Variants in TNFRSF1A observed in about 807,000 individuals in gnomAD.
TNFRSF1A encodes the protein tumor necrosis factor receptor superfamily member 1A.
Under a neutral mutation model 41.6 loss-of-function variants are expected in TNFRSF1A, and 9 were observed. That is an observed-to-expected ratio of 0.22 (90% confidence interval 0.13 to 0.38). The LOEUF (loss-of-function observed/expected upper bound fraction) is 0.38, where lower values mean the gene tolerates loss of function less well. TNFRSF1A is among the 10% of genes least tolerant of loss of function. The pLI is 1.00. For synonymous variants in TNFRSF1A, 254 were observed against 248.6 expected (o/e 1.02, Z -0.21); for missense variants, 463 against 591.5 (o/e 0.78, Z 2.25).
chr12:6,339,839 T>TCACA (rs1312763687), intron 1 of TNFRSF1A, among the ~76,000 whole-genome samples: 14 of 120,790 alleles, frequency 1.2e-4, no homozygotes, highest in African/African-American at 1.9e-4. Flanking sequence ...TCTCTCTCTC[T>TCACA]CTCACACACA....
At position 6,329,784 on chromosome 12, in the gene TNFRSF1A, G is replaced by A. The variant is rs1341916333; in HGVS notation, c.1051C>T (p.Leu351=). ...WEDSAHKPQS[L]DTDDPATLYA... Reference sequence around the variant, plus strand: ...AGCCGCGGGAGAAACTCACTGTCTAGGCTCTGTGGCTTGTGGGCGCTGTCC... The same window carrying A: ...AGCCGCGGGAGAAACTCACTGTCTAAGCTCTGTGGCTTGTGGGCGCTGTCC... Residue 351 remains leucine (L), a synonymous_variant, in exon 9 of 10, where the codon CTA becomes TTA. Coordinates refer to ENST00000162749, the MANE Select transcript of TNFRSF1A (RefSeq NM_001065.4). 1.9e-6 allele frequency: 3 copies of A among 1,605,004 alleles called. No individual in the cohort carries two copies. In the African/African-American group the frequency reaches 4.0e-5, roughly 21 times the overall value.
rs573219734 is a variant in TNFRSF1A at position 6,333,944 on chromosome 12, C to T, written c.194-79G>A. ...CCATGCTAGGGACAACAGCCAGGGC[C>T]GATTCCCTGAAGTCTCTAGGAGAGG... On this transcript the variant is annotated intron_variant, in intron 2 of 9. Transcript: ENST00000162749. This position sits in a 1 kb window ranked among gnomAD's most constrained non-coding sequence, Gnocchi z 6.3. 17 of 1,605,576 alleles carry T rather than the reference C, an allele frequency of 1.1e-5. No homozygotes were observed. Among genetic ancestry groups the T allele is most frequent in the Admixed American group, 3.4e-5 (2 of 58,342 alleles).
chr12:6,333,644 A>C lies in TNFRSF1A; in HGVS notation c.322+93T>G. On this transcript the variant is annotated intron_variant, in intron 3 of 9. Transcript: ENST00000162749. This position sits in a 1 kb window ranked among gnomAD's most constrained non-coding sequence, Gnocchi z 6.3. ...TCCATGCAGTGTCCCACCAAAACAC[A>C]CACCTTCCTGCCCACACCCACCAGC... 6.4e-7 allele frequency: 1 copy of C among 1,569,246 alleles called. No homozygotes were observed. The highest frequency in any genetic ancestry group is 8.6e-7 in the Non-Finnish European group (1 of 1,156,406).
rs1175261083 is a variant in TNFRSF1A at position 6,334,203 on chromosome 12, A to G, written c.81T>C (p.Val27=). The part of the protein sequence containing the change: ...ELLVGIYPSG[V]IGLVPHLGDR... ...CCCCTAGGTGAGGGACCAGTCCAAT[A>G]ACCCCTGAGGGGTATATTCCCACCA... is the stretch of plus-strand genomic sequence containing the variant. Residue 27 remains valine (V), a synonymous_variant, in exon 2 of 10, where the codon GTT becomes GTC. Coordinates refer to ENST00000162749, the MANE Select transcript of TNFRSF1A (RefSeq NM_001065.4). This position sits in a 1 kb window ranked among gnomAD's most constrained non-coding sequence, Gnocchi z 5.1. 6 of 1,614,050 alleles carry G rather than the reference A, an allele frequency of 3.7e-6. No individual in the cohort carries two copies. Among genetic ancestry groups the G allele is most frequent in the Non-Finnish European group, 5.1e-6 (6 of 1,179,934 alleles).
At position 6,329,515 on chromosome 12, in the gene TNFRSF1A, C is replaced by G; in HGVS notation, c.1165G>C (p.Glu389Gln). ...CGCAGGCAGCGCCCGTTCTGCAGCT[C>G]CAGCCGATCGATCTCGTGGTCGCTC... ...GLSDHEIDRL[E>Q]LQNGRCLREA... The change falls in exon 10 of 10, where the codon GAG becomes CAG. Residue 389 changes from glutamate to glutamine, a missense_variant. By Grantham distance (29) the Glu-to-Gln change is conservative (BLOSUM62 2). This residue lies in a region of TNFRSF1A where 277 missense variants were observed against 288.8 expected (regional missense o/e 0.96). Transcript: ENST00000162749. 6.3e-7 allele frequency: 1 copy of G among 1,595,344 alleles called. No homozygotes were observed. The highest frequency in any genetic ancestry group is 8.5e-7 in the Non-Finnish European group (1 of 1,178,142).
intron 5 of TNFRSF1A, among the ~76,000 whole-genome samples, chr12:6,332,296 G>A (rs1948060125): frequency 6.6e-6 from 1 of 151,880 alleles, no homozygotes; most frequent in African/African-American, 2.4e-5. Flanking sequence ...AACATTAGCT[G>A]GGTGTAGTGG....
At position 6,329,126 on chromosome 12, in the gene TNFRSF1A, C is replaced by A. The variant is rs113971071; in HGVS notation, c.*186G>T. ...AGCCCACGGCGCACCTCTCTCCGCG[C>A]GCACAGCGCTGACTGTCGGCGGCGC... On this transcript the variant is annotated 3_prime_UTR_variant, in exon 10 of 10. Transcript: ENST00000162749. The A allele has an allele frequency of 1.1e-5, 6 of 526,116 alleles. No homozygotes were observed. In the Admixed American group the frequency reaches 2.1e-4, roughly 18 times the overall value. The allele number at this position is 526,116 out of a possible 1,614,324, so 32.6% of individuals were successfully genotyped here.
chr12:6,329,666 CCCCGCCCCGCAT>C, intron 9 of TNFRSF1A, 44 bp from the exon 10 acceptor site: 1 of 1,552,878 alleles, frequency 6.4e-7, no homozygotes, highest in South Asian at 1.2e-5. Flanking sequence ...CAACCCCAGG[CCCCGCCCCGCAT>C]CCCGCGCCCT....
chr12:6,333,521 T>C lies in TNFRSF1A; in HGVS notation c.323-5A>G, dbSNP rs200094504. 3.7e-6 allele frequency: 6 copies of C among 1,614,162 alleles called. No homozygotes were observed. The highest frequency in any genetic ancestry group is 2.2e-5 in the South Asian group (2 of 91,086). On this transcript the variant is annotated splice_polypyrimidine_tract_variant and splice_region_variant and intron_variant, in intron 3 of 9. Coordinates refer to ENST00000162749, the MANE Select transcript of TNFRSF1A (RefSeq NM_001065.4). The surrounding 1 kb of genome is among the most constrained non-coding windows in gnomAD (Gnocchi z 6.3). ...AGATCTCCACCTGACCCATTTCTGG[T>C]GAGGGGAGAAGATGGGGTATGAGTC...
chr12:6,328,928 T>C lies in TNFRSF1A; in HGVS notation c.*384A>G, dbSNP rs1947981749. The C allele has an allele frequency of 4.5e-6, 1 of 223,496 alleles. No individual in the cohort carries two copies. The highest frequency in any genetic ancestry group is 2.3e-5 in the African/African-American group (1 of 44,144). The allele number at this position is 223,496 out of a possible 1,614,324, so 13.8% of individuals were successfully genotyped here. A position where few individuals can be genotyped will look rare whatever the true frequency, so the allele number is the denominator to read the frequency against. ...CCAAGTTTCTATTAGTGTAACATGA[T>C]TGATTTAAAAACAAAACAAAACAAA... On this transcript the variant is annotated 3_prime_UTR_variant, in exon 10 of 10. Coordinates refer to ENST00000162749, the MANE Select transcript of TNFRSF1A (RefSeq NM_001065.4).
In TNFRSF1A at chr12:6,332,987, T is replaced by C. The variant is rs2136821044; in HGVS notation, c.551+82A>G. On this transcript the variant is annotated intron_variant, in intron 5 of 9. Coordinates refer to ENST00000162749, the MANE Select transcript of TNFRSF1A (RefSeq NM_001065.4). ...GCACTCTGGGGCATCCTGGCATCTG[T>C]TGCCCAGCTAATGGTTCCCACCAGT... 8 of 1,302,162 alleles carry C rather than the reference T, an allele frequency of 6.1e-6. No homozygotes were observed. The South Asian group carries it at 8.3e-5, about 14-fold the overall frequency. 80.7% of individuals were successfully genotyped at this position (1,302,162 alleles called of 1,614,324 possible).
Position 6,341,675 on chromosome 12 carries a change from G to T in TNFRSF1A, c.39+101C>A. On this transcript the variant is annotated intron_variant, in intron 1 of 9. Coordinates refer to ENST00000162749, the MANE Select transcript of TNFRSF1A (RefSeq NM_001065.4). This position sits in a 1 kb window ranked among gnomAD's most constrained non-coding sequence, Gnocchi z 4.6. ...AGGCCTGAGGCTGGCGCCAGGACCAGGCCCGGGCAGGAGAGGCTCGGCCCC... is the reference window on the plus strand; with the variant it reads ...AGGCCTGAGGCTGGCGCCAGGACCATGCCCGGGCAGGAGAGGCTCGGCCCC... 7.1e-7 allele frequency: 1 copy of T among 1,414,036 alleles called. No individual in the cohort carries two copies. The highest frequency in any genetic ancestry group is 9.9e-7 in the Non-Finnish European group (1 of 1,013,008). The allele number at this position is 1,414,036 out of a possible 1,614,324, so 87.6% of individuals were successfully genotyped here. A position where few individuals can be genotyped will look rare whatever the true frequency, so the allele number is the denominator to read the frequency against.
intron 1 of TNFRSF1A, among the ~76,000 whole-genome samples, chr12:6,335,590 G>A (rs1948110129): frequency 6.6e-6 from 1 of 152,070 alleles, no homozygotes; most frequent in African/African-American, 2.4e-5. Context: ...CTTCATTTCT[G>A]GTTTTCCCTG....
Position 6,329,640 on chromosome 12 carries a change from G to A in TNFRSF1A, c.1058-18C>T. The A allele has an allele frequency of 6.3e-7, 1 of 1,586,218 alleles. No homozygotes were observed. The highest frequency in any genetic ancestry group is 1.7e-5 in the Admixed American group (1 of 57,986). On this transcript the variant is annotated intron_variant, in intron 9 of 9. Coordinates refer to ENST00000162749, the MANE Select transcript of TNFRSF1A (RefSeq NM_001065.4). ...GTCATCAGCTGCGGGGACGCGGGCCGGTGAGCCTCGGGCGGCAACCCCAGG... is the reference window on the plus strand; with the variant it reads ...GTCATCAGCTGCGGGGACGCGGGCCAGTGAGCCTCGGGCGGCAACCCCAGG...
intron 1 of TNFRSF1A, among the ~76,000 whole-genome samples, chr12:6,336,914 C>T (rs1009678080): frequency 1.2e-4 from 18 of 152,216 alleles, no homozygotes; most frequent in Admixed American, 1.0e-3. Context: ...GGTTTGGGGG[C>T]CTCCCTGGGG....
intron 1 of TNFRSF1A, among the ~76,000 whole-genome samples, chr12:6,338,536 T>C (rs776253150): frequency 8.6e-5 from 13 of 151,714 alleles, no homozygotes; most frequent in Non-Finnish European, 1.5e-4. Context: ...AGCATTTCCA[T>C]GGTCATGGAA....
rs150233965 is a variant in TNFRSF1A, at chr12:6,338,305, C to A, written c.39+3471G>T. Among the ~76,000 whole-genome samples the A allele has an allele frequency of 4.1e-3, 628 of 152,246 alleles. 1 individual carries two copies. The highest frequency in any genetic ancestry group is 7.0e-3 in the Non-Finnish European group (479 of 68,022). On this transcript the variant is annotated intron_variant, in intron 1 of 9. Transcript: ENST00000162749. ...CCCAGGGCCCCATCCCTATCCCTGC[C>A]GCCATCCCATGTGTCAGTTCATCTT...
Position 6,333,354 on chromosome 12 carries a change from G to T in TNFRSF1A, c.472+13C>A. 1 of 1,612,740 alleles carries T rather than the reference G, an allele frequency of 6.2e-7. No individual in the cohort carries two copies. Among genetic ancestry groups the T allele is most frequent in the African/African-American group, 1.3e-5 (1 of 75,012 alleles). On this transcript the variant is annotated intron_variant, in intron 4 of 9. Coordinates refer to ENST00000162749, the MANE Select transcript of TNFRSF1A (RefSeq NM_001065.4). The surrounding 1 kb of genome is among the most constrained non-coding windows in gnomAD (Gnocchi z 6.3). ...GTGGGGAGAGGGCTTGGCCTCAGGAGAGCTGCGCTCACAGGAGAGGTGCAC... is the reference window on the plus strand; with the variant it reads ...GTGGGGAGAGGGCTTGGCCTCAGGATAGCTGCGCTCACAGGAGAGGTGCAC...
chr12:6,335,651 G>T (rs1165973739), intron 1 of TNFRSF1A, among the ~76,000 whole-genome samples: 4 of 152,086 alleles, frequency 2.6e-5, no homozygotes, highest in African/African-American at 9.7e-5. Context: ...AAAGATAAGA[G>T]GGTGTCCTCA....
Sources: allele counts gnomAD v4.1 joint callset (sites outside exome capture counted in the v4.1 genomes callset), GRCh38; gene constraint gnomAD v4.1.1; regional missense constraint gnomAD v4.1.1; non-coding constraint Gnocchi (gnomAD v3.1); transcripts MANE v1.5; gene names NCBI Gene and HGNC (gene_info 2026-07-23, HGNC 2026-07-21).